The following NIBAN1 variants were observed in gnomAD, a reference collection of about 807,000 sequenced individuals.
NIBAN1 encodes protein Niban 1.
Under a neutral mutation model 75.1 loss-of-function variants are expected in NIBAN1, and 81 were observed. The ratio of observed to expected loss-of-function variants is 1.08; its 90% CI spans 0.90 to 1.30. The LOEUF (loss-of-function observed/expected upper bound fraction) is 1.30, where lower values mean the gene tolerates loss of function less well. NIBAN1 is among the 50% of genes most tolerant of loss of function. The pLI is 0.00. For missense variants in NIBAN1, 1,133 were observed against 1,128.1 expected (o/e 1.00, Z -0.06); for synonymous variants, 436 against 424.8 (o/e 1.03, Z -0.32).
chr1:184,856,856 A>G (rs1315506038), intron 5 of NIBAN1, among the ~76,000 whole-genome samples: 1 of 152,210 alleles, frequency 6.6e-6, no homozygotes, highest in Admixed American at 6.5e-5. Flanking sequence ...AGTGTGATAA[A>G]TGCTACTAGT....
intron 4 of NIBAN1, among the ~76,000 whole-genome samples, chr1:184,887,330 A>G (rs1352168217): frequency 6.6e-6 from 1 of 152,174 alleles, no homozygotes; most frequent in Non-Finnish European, 1.5e-5. Context: ...ATTGAATGCT[A>G]TAGAGACACC....
At chr1:184,920,435 C>T (rs1046022849) in intron 1 of NIBAN1, among the ~76,000 whole-genome samples, 4 of 152,078 alleles carry the variant, frequency 2.6e-5, no homozygotes, top group African/African-American at 9.7e-5. Flanking sequence ...AAATAAATAA[C>T]AAATTATTGT....
chr1:184,884,514 C>T (rs904598751), intron 5 of NIBAN1, 119 bp downstream of exon 5: 43 of 1,335,374 alleles, frequency 3.2e-5, no homozygotes, highest in South Asian at 4.3e-5. Flanking sequence ...CATGAGCCAC[C>T]GCACTTGGCT....
chr1:184,946,881 C>A (rs1658238379), intron 1 of NIBAN1, among the ~76,000 whole-genome samples: 1 of 152,016 alleles, frequency 6.6e-6, no homozygotes, highest in African/African-American at 2.4e-5. Flanking sequence ...TGAGACCAGC[C>A]TGACCAACAT....
chr1:184,828,094 T>G (rs910996931), intron 6 of NIBAN1, among the ~76,000 whole-genome samples: 1 of 152,154 alleles, frequency 6.6e-6, no homozygotes, highest in African/African-American at 2.4e-5. Flanking sequence ...CAAAGCCCTT[T>G]CCCTCATGAT....
At chr1:184,873,413 T>C (rs1220462148) in intron 5 of NIBAN1, among the ~76,000 whole-genome samples, 1 of 152,194 alleles carries the variant, frequency 6.6e-6, no homozygotes, top group Non-Finnish European at 1.5e-5. Context: ...AAACAACAGA[T>C]GCAAGAAGAG....
At chr1:184,899,807 CTTTTTTTTTTTTT>C (rs66802117) in intron 1 of NIBAN1, among the ~76,000 whole-genome samples, 2 of 100,346 alleles carry the variant, frequency 2.0e-5, no homozygotes, top group Non-Finnish European at 3.9e-5. Context: ...ACATCACTCT[CTTTTTTTTTTTTT>C]TTTTTTTTTT....
intron 1 of NIBAN1, 91 bp downstream of exon 1, chr1:184,974,211 C>G: frequency 7.6e-7 from 1 of 1,310,258 alleles, no homozygotes; most frequent in Non-Finnish European, 9.9e-7. Flanking sequence ...AGGGAGAGGG[C>G]CCGGGGCGCG....
chr1:184,818,169 T>C (rs1654591055), intron 9 of NIBAN1, among the ~76,000 whole-genome samples: 1 of 152,204 alleles, frequency 6.6e-6, no homozygotes, highest in South Asian at 2.1e-4. Context: ...CATAAGTCTA[T>C]ATTTTTGAAA....
chr1:184,812,670 C>G (rs1421959722), intron 9 of NIBAN1, among the ~76,000 whole-genome samples: 1 of 152,180 alleles, frequency 6.6e-6, no homozygotes, highest in Non-Finnish European at 1.5e-5. Context: ...ATAGTTAGCT[C>G]TAAAAATTAT....
chr1:184,807,527 C>A (rs762302388), intron 10 of NIBAN1, among the ~76,000 whole-genome samples: 3 of 152,094 alleles, frequency 2.0e-5, no homozygotes, highest in Non-Finnish European at 4.4e-5. Flanking sequence ...GTGGCTTATG[C>A]CTGTAATCCC....
intron 8 of NIBAN1, among the ~76,000 whole-genome samples, chr1:184,821,143 T>A (rs960467471): frequency 1.3e-5 from 2 of 152,206 alleles, no homozygotes; most frequent in African/African-American, 4.8e-5. Flanking sequence ...AATCACGTTG[T>A]CTTCTTTGAG....
At chr1:184,856,799 G>T (rs1655690189) in intron 5 of NIBAN1, among the ~76,000 whole-genome samples, 1 of 152,224 alleles carries the variant, frequency 6.6e-6, no homozygotes, top group South Asian at 2.1e-4. Context: ...CAGGTGCCTG[G>T]TAAGTGTTTG....
At chr1:184,928,332 A>G (rs962022172) in intron 1 of NIBAN1, among the ~76,000 whole-genome samples, 6 of 151,710 alleles carry the variant, frequency 4.0e-5, no homozygotes, top group African/African-American at 1.5e-4. Context: ...TGATGCAAGC[A>G]CTCCCTTGGC....
In NIBAN1 at chr1:184,794,887, T is replaced by G; in HGVS notation, c.*90A>C. On this transcript the variant is annotated 3_prime_UTR_variant, in exon 14 of 14. Transcript: ENST00000367511. ...TCAAATTAAGAAAATACTTAAAAAT[T>G]TTTTGGTAACAGCTTGCATGCAACC... 1.3e-6 allele frequency: 2 copies of G among 1,567,210 alleles called. No homozygotes were observed. Among genetic ancestry groups the G allele is most frequent in the Non-Finnish European group, 8.7e-7 (1 of 1,151,084 alleles).
chr1:184,890,664 C>T (rs1041085568), intron 3 of NIBAN1, among the ~76,000 whole-genome samples: 3 of 152,176 alleles, frequency 2.0e-5, no homozygotes, highest in South Asian at 2.1e-4. Flanking sequence ...CTGTGGAACA[C>T]GTAGCTGCAA....
At chr1:184,807,657 C>T (rs1443689892) in intron 10 of NIBAN1, among the ~76,000 whole-genome samples, 2 of 152,132 alleles carry the variant, frequency 1.3e-5, no homozygotes, top group Non-Finnish European at 2.9e-5. Flanking sequence ...GACATGGTGG[C>T]ACATGCCTGT....
chr1:184,932,150 T>A (rs1351138550), intron 1 of NIBAN1, among the ~76,000 whole-genome samples: 3 of 152,160 alleles, frequency 2.0e-5, no homozygotes, highest in Non-Finnish European at 2.9e-5. Flanking sequence ...CAGGAACAAG[T>A]TTCATAGAAG....
chr1:184,898,383 G>A (rs1000357278), intron 2 of NIBAN1, among the ~76,000 whole-genome samples: 5 of 152,188 alleles, frequency 3.3e-5, no homozygotes, highest in African/African-American at 9.7e-5. Context: ...GGGAGGCCGA[G>A]GCAGGTGGAT....
Sources: allele counts gnomAD v4.1 joint callset (sites outside exome capture counted in the v4.1 genomes callset), GRCh38; gene constraint gnomAD v4.1.1; transcripts MANE v1.5; gene names NCBI Gene and HGNC (gene_info 2026-07-23, HGNC 2026-07-21).